The following CSMD1 variants were observed in gnomAD, a reference collection of about 807,000 sequenced individuals.
CSMD1 encodes the protein CUB and Sushi multiple domains 1.
CSMD1 carries 213 observed loss-of-function variants against 417.5 expected under a neutral mutation model. The ratio of observed to expected loss-of-function variants is 0.51; its 90% confidence interval spans 0.46 to 0.57. CSMD1 has a LOEUF of 0.57. Among genes scored for constraint, CSMD1 ranks in the 20% least tolerant of loss-of-function variants. The pLI, the probability that CSMD1 is intolerant of heterozygous loss-of-function variation, is 0.00. For missense variants in CSMD1, 6,923 were observed against 4,529.7 expected (o/e 1.53, Z -15.17); for synonymous variants, 2,862 against 1,736.8 (o/e 1.65, Z -16.11).
At chr8:4,499,773 G>A (rs938505835) in intron 2 of CSMD1, among the ~76,000 whole-genome samples, 1 of 152,214 alleles carries the variant, frequency 6.6e-6, no homozygotes, top group Non-Finnish European at 1.5e-5. Flanking sequence ...TAAAGGTGAA[G>A]AGAGGGAAGG....
intron 1 of CSMD1, among the ~76,000 whole-genome samples, chr8:4,725,137 A>G (rs1809342411): frequency 6.6e-6 from 1 of 152,210 alleles, no homozygotes; most frequent in Non-Finnish European, 1.5e-5. Flanking sequence ...TTTACACATT[A>G]TAAAAGTGTA....
intron 5 of CSMD1, among the ~76,000 whole-genome samples, chr8:3,832,627 G>C (rs1802442141): frequency 6.6e-6 from 1 of 152,150 alleles, no homozygotes; most frequent in Non-Finnish European, 1.5e-5. Flanking sequence ...TCTTGAAGGA[G>C]TCGAAGATTT....
chr8:3,820,744 T>G (rs1399573166), intron 5 of CSMD1, among the ~76,000 whole-genome samples: 1 of 151,940 alleles, frequency 6.6e-6, no homozygotes, highest in East Asian at 1.9e-4. Flanking sequence ...CCTGGCAAAT[T>G]GTTGTATTTT....
chr8:3,358,714 G>A (rs9774310), intron 21 of CSMD1, among the ~76,000 whole-genome samples: 40,830 of 151,950 alleles, frequency 0.27, 5,743 homozygotes, highest in African/African-American at 0.35. Context: ...ATCAAAGGCT[G>A]CCACTGACAA....
intron 47 of CSMD1, among the ~76,000 whole-genome samples, chr8:3,093,676 A>T (rs1183037241): frequency 6.6e-6 from 1 of 152,150 alleles, no homozygotes; most frequent in East Asian, 1.9e-4. Context: ...CTCAAAAAAA[A>T]AAAAATTCTG....
intron 15 of CSMD1, among the ~76,000 whole-genome samples, chr8:3,402,447 C>T (rs953925266): frequency 7.9e-5 from 12 of 152,036 alleles, no homozygotes; most frequent in African/African-American, 2.7e-4. Flanking sequence ...TTTCATGATG[C>T]CACTGAGCTG....
At chr8:4,269,960 C>T (rs746635296) in intron 3 of CSMD1, among the ~76,000 whole-genome samples, 1 of 152,188 alleles carries the variant, frequency 6.6e-6, no homozygotes, top group Non-Finnish European at 1.5e-5. Context: ...CACGACCTCT[C>T]TGAGGCACAG....
At chr8:3,472,319 A>G (rs1164054043) in intron 11 of CSMD1, among the ~76,000 whole-genome samples, 1 of 152,026 alleles carries the variant, frequency 6.6e-6, no homozygotes, top group Non-Finnish European at 1.5e-5. Flanking sequence ...AACATCTTTT[A>G]ACTATTGTAA....
At chr8:4,477,091 T>G (rs1243398550) in intron 2 of CSMD1, among the ~76,000 whole-genome samples, 1 of 152,186 alleles carries the variant, frequency 6.6e-6, no homozygotes, top group African/African-American at 2.4e-5. Flanking sequence ...AGAGCAGGTG[T>G]GAGCACTCCT....
At chr8:2,983,672 A>C (rs1247517971) in intron 54 of CSMD1, among the ~76,000 whole-genome samples, 2 of 152,098 alleles carry the variant, frequency 1.3e-5, no homozygotes, top group Admixed American at 1.3e-4. Flanking sequence ...AGCACTTCCC[A>C]GTCTTTGGCA....
intron 26 of CSMD1, among the ~76,000 whole-genome samples, chr8:3,277,732 G>T (rs544878601): frequency 6.6e-6 from 1 of 152,300 alleles, no homozygotes; most frequent in African/African-American, 2.4e-5. Flanking sequence ...AAGAAGGCAG[G>T]TGGACACTCA....
intron 3 of CSMD1, among the ~76,000 whole-genome samples, chr8:4,276,524 T>C (rs1162722398): frequency 2.0e-5 from 3 of 152,302 alleles, no homozygotes; most frequent in Non-Finnish European, 2.9e-5. Flanking sequence ...CAAACCACCA[T>C]GGCACATGTT....
chr8:3,666,164 G>A (rs1798683620), intron 7 of CSMD1, among the ~76,000 whole-genome samples: 2 of 152,132 alleles, frequency 1.3e-5, no homozygotes. Context: ...CCCAAATGCT[G>A]GGATTACAGG....
chr8:3,078,853 C>A (rs1461807411), intron 49 of CSMD1, among the ~76,000 whole-genome samples: 1 of 152,138 alleles, frequency 6.6e-6, no homozygotes, highest in Non-Finnish European at 1.5e-5. Context: ...ACCAAAAACA[C>A]TCCTGGGTGC....
rs368217687 is a variant in CSMD1 at position 4,702,693 on chromosome 8, T to A, written c.86-65135A>T. ...TAATAACCACTAATACAACCGTATT[T>A]CTATTGCTAAGTACAAAAATTCTAC... On this transcript the variant is annotated intron_variant, in intron 1 of 69. Transcript: ENST00000635120. 7.9e-5 allele frequency among the ~76,000 whole-genome samples: 12 copies of A among 152,288 alleles called. No individual in the cohort carries two copies. The East Asian group carries it at 1.9e-3, about 25-fold the overall frequency.
At chr8:4,216,159 C>G (rs984229881) in intron 3 of CSMD1, among the ~76,000 whole-genome samples, 2 of 152,174 alleles carry the variant, frequency 1.3e-5, no homozygotes, top group Admixed American at 1.3e-4. Context: ...TTTCACAGGA[C>G]AGGACCAGCC....
At chr8:3,324,304 A>T (rs922719390) in intron 23 of CSMD1, among the ~76,000 whole-genome samples, 5 of 150,100 alleles carry the variant, frequency 3.3e-5, no homozygotes, top group South Asian at 2.1e-4. Context: ...GAGACCCAGG[A>T]GGGGGAGTTT....
At chr8:3,506,521 G>T (rs1016074935) in intron 10 of CSMD1, among the ~76,000 whole-genome samples, 2 of 152,180 alleles carry the variant, frequency 1.3e-5, no homozygotes, top group African/African-American at 4.8e-5. Context: ...CTATGGAGCA[G>T]CAGTTACACA....
At chr8:4,910,522 T>C (rs1805591124) in intron 1 of CSMD1, among the ~76,000 whole-genome samples, 5 of 152,170 alleles carry the variant, frequency 3.3e-5, no homozygotes, top group African/African-American at 9.7e-5. Context: ...TTTCCCATGG[T>C]AAAAACGACA....
Sources: allele counts gnomAD v4.1 joint callset (sites outside exome capture counted in the v4.1 genomes callset), GRCh38; gene constraint gnomAD v4.1.1; transcripts MANE v1.5; gene names NCBI Gene and HGNC (gene_info 2026-07-23, HGNC 2026-07-21).